The following SPTBN2 variants were observed in gnomAD, a reference collection of about 807,000 sequenced individuals.
The protein encoded by SPTBN2 is spectrin beta, non-erythrocytic 2.
A neutral mutation model predicts 284.2 loss-of-function variants in SPTBN2; 107 were observed. The observed-to-expected ratio is 0.38, with a 90% confidence interval of 0.32 to 0.44. The LOEUF (loss-of-function observed/expected upper bound fraction) is 0.44, where lower values mean the gene tolerates loss of function less well. Among genes scored for constraint, SPTBN2 ranks in the 20% least tolerant of loss-of-function variants. The pLI is 1.00. For missense variants in SPTBN2, 2,569 were observed against 3,287.1 expected (o/e 0.78, Z 5.34); for synonymous variants, 1,289 against 1,354.8 (o/e 0.95, Z 1.07).
rs1336039294 is a variant in SPTBN2, at chr11:66,721,378, G to A, written c.-51C>T. The A allele has an allele frequency of 3.4e-6, 4 of 1,177,394 alleles. No individual in the cohort carries two copies. The highest frequency in any genetic ancestry group is 5.0e-6 in the Non-Finnish European group (4 of 802,540). 72.9% of individuals were successfully genotyped at this position (1,177,394 alleles called of 1,614,324 possible). On this transcript the variant is annotated 5_prime_UTR_variant, in exon 2 of 38. Coordinates refer to ENST00000533211, the MANE Select transcript of SPTBN2 (RefSeq NM_006946.4). Reference sequence around the variant, plus strand: ...TGCTCCGCTCTCCTTGTGGCCAGAGGCTGCGGTTGGCTGCTCAGTGGAAAT... The same window carrying A: ...TGCTCCGCTCTCCTTGTGGCCAGAGACTGCGGTTGGCTGCTCAGTGGAAAT...
At chr11:66,717,992 C>T (rs539284847) in intron 3 of SPTBN2, among the ~76,000 whole-genome samples, 8 of 152,178 alleles carry the variant, frequency 5.3e-5, no homozygotes, top group Admixed American at 2.6e-4. Context: ...TTCAGACACA[C>T]GCTCAGAGGC....
intron 1 of SPTBN2, among the ~76,000 whole-genome samples, chr11:66,735,327 C>T (rs1055411581): frequency 2.7e-5 from 4 of 147,458 alleles, no homozygotes; most frequent in Admixed American, 2.0e-4. Flanking sequence ...AGCAAGACAC[C>T]GTCTCAAAAA....
At position 66,707,637 on chromosome 11, in the gene SPTBN2, C is replaced by T. The variant is rs749704261; in HGVS notation, c.1532G>A (p.Arg511Gln). 15 of 1,609,592 alleles carry T rather than the reference C, an allele frequency of 9.3e-6. No homozygotes were observed. Among genetic ancestry groups the T allele is most frequent in the South Asian group, 2.2e-5 (2 of 91,080 alleles). Residue 511 changes from arginine (R) to glutamine (Q), a missense_variant, in exon 13 of 38, where the codon CGG becomes CAG. Physicochemically the swap from Arg to Gln is conservative, Grantham distance 43. Coordinates refer to ENST00000533211, the MANE Select transcript of SPTBN2 (RefSeq NM_006946.4). The surrounding 1 kb of genome is among the most constrained non-coding windows in gnomAD (Gnocchi z 4.9). ...CATCTGCCGCAAGAAGTCCCAGAGCCGTGCCACGTTGTGCTGCCGAGCGGC... is the reference window on the plus strand; with the variant it reads ...CATCTGCCGCAAGAAGTCCCAGAGCTGTGCCACGTTGTGCTGCCGAGCGGC... Reference protein sequence around the residue: ...RIAARQHNVARLWDFLRQMVA... With the variant: ...RIAARQHNVAQLWDFLRQMVA...
rs1173149083 is a variant in SPTBN2 at position 66,693,808 on chromosome 11, G to T, written c.4557C>A (p.Asp1519Glu). 1 of 1,613,788 alleles carries T rather than the reference G, an allele frequency of 6.2e-7. No individual in the cohort carries two copies. Among genetic ancestry groups the T allele is most frequent in the African/African-American group, 1.3e-5 (1 of 74,944 alleles). The change falls in exon 23 of 38, where the codon GAC (aspartate) becomes GAA (glutamate). Residue 1519 changes from aspartate (D) to glutamate (E), a missense_variant. By Grantham distance (45) the Asp-to-Glu change is conservative. This residue lies in a region of SPTBN2 where 1,130 missense variants were observed against 1,317.3 expected (regional missense o/e 0.86). Transcript: ENST00000533211. This position sits in a 1 kb window ranked among gnomAD's most constrained non-coding sequence, Gnocchi z 5.7. ...TCATGAGAAGCTGGACGCTGGGCAG[G>T]TCCTTGCCATGCTCCATGGAGCTGG... is the stretch of plus-strand genomic sequence containing the variant. The part of the protein sequence containing the change: ...PMASSMEHGK[D>E]LPSVQLLMKK...
In SPTBN2 at chr11:66,691,395, C is replaced by T. The variant is rs752022676; in HGVS notation, c.5454G>A (p.Gln1818=). ...HGARQALARV[Q]HKQQQLPDGT... is the part of the protein sequence containing the mutation. Reference sequence around the variant, plus strand: ...CGTCCGGAAGCTGCTGCTGCTTGTGCTGCACCCGCGCCAGGGCTTGGCGTG... The same window carrying T: ...CGTCCGGAAGCTGCTGCTGCTTGTGTTGCACCCGCGCCAGGGCTTGGCGTG... The change falls in exon 27 of 38, where the codon CAG becomes CAA. Residue 1818 remains glutamine (Q), a synonymous_variant. Coordinates refer to ENST00000533211, the MANE Select transcript of SPTBN2 (RefSeq NM_006946.4). This position sits in a 1 kb window ranked among gnomAD's most constrained non-coding sequence, Gnocchi z 8.0. 4 of 1,607,862 alleles carry T rather than the reference C, an allele frequency of 2.5e-6. No individual in the cohort carries two copies. The highest frequency in any genetic ancestry group is 1.7e-5 in the Admixed American group (1 of 59,792).
In SPTBN2 at chr11:66,710,054, G is replaced by A. The variant is rs1024529037; in HGVS notation, c.1073+528C>T. ...AATCATTTCCACAGCATGTTTGTTT[G>A]TTTTTTGAGACGGAGTCTTGCTCTG... On this transcript the variant is annotated intron_variant, in intron 10 of 37. Transcript: ENST00000533211. The surrounding 1 kb of genome is among the most constrained non-coding windows in gnomAD (Gnocchi z 4.9). Among the ~76,000 whole-genome samples, 1 of 152,134 alleles carries A rather than the reference G, an allele frequency of 6.6e-6. No homozygotes were observed. Among genetic ancestry groups the A allele is most frequent in the Non-Finnish European group, 1.5e-5 (1 of 68,012 alleles).
At chr11:66,722,319 A>G (rs1272983612) in intron 1 of SPTBN2, among the ~76,000 whole-genome samples, 1 of 152,186 alleles carries the variant, frequency 6.6e-6, no homozygotes, top group Admixed American at 6.5e-5. Context: ...TCACGCCTGT[A>G]ATCCCAGCAC....
Position 66,708,438 on chromosome 11 carries a change from C to T in SPTBN2, c.1192-139G>A. On this transcript the variant is annotated intron_variant, in intron 11 of 37. Coordinates refer to ENST00000533211, the MANE Select transcript of SPTBN2 (RefSeq NM_006946.4). The surrounding 1 kb of genome is among the most constrained non-coding windows in gnomAD (Gnocchi z 4.4). The stretch of plus-strand genomic sequence containing the variant: ...TGGGTGAGACGCCTGGGCGTGGAAA[C>T]AGGAAACAGGGCAGCGCTGGGAGTC... The T allele has an allele frequency of 1.1e-6, 1 of 877,292 alleles. No individual in the cohort carries two copies. 54.3% of individuals were successfully genotyped at this position (877,292 alleles called of 1,614,324 possible). A position where few individuals can be genotyped will look rare whatever the true frequency, so the allele number is the denominator to read the frequency against.
Position 66,693,886 on chromosome 11 carries a change from G to A in SPTBN2, c.4504-25C>T. On this transcript the variant is annotated intron_variant, in intron 22 of 37. Coordinates refer to ENST00000533211, the MANE Select transcript of SPTBN2 (RefSeq NM_006946.4). The surrounding 1 kb of genome is among the most constrained non-coding windows in gnomAD (Gnocchi z 5.7). Reference sequence around the variant, plus strand: ...ACTGGAAGAGGAAGAGGGGGTCAGTGGAGGCCCAGAGGGCAAGGCAAGCAG... The same window carrying A: ...ACTGGAAGAGGAAGAGGGGGTCAGTAGAGGCCCAGAGGGCAAGGCAAGCAG... The A allele has an allele frequency of 6.2e-7, 1 of 1,608,936 alleles. No homozygotes were observed. The highest frequency in any genetic ancestry group is 8.5e-7 in the Non-Finnish European group (1 of 1,176,376).
upstream of SPTBN2, among the ~76,000 whole-genome samples, chr11:66,732,545 G>A (rs1486386783): frequency 1.3e-5 from 2 of 151,546 alleles, no homozygotes; most frequent in African/African-American, 4.9e-5. Flanking sequence ...AGCTACTCGG[G>A]AGGCTGAGGC....
At chr11:66,703,782 T>TGTG (rs930205823) in intron 15 of SPTBN2, among the ~76,000 whole-genome samples, 19 of 152,216 alleles carry the variant, frequency 1.2e-4, no homozygotes, top group African/African-American at 4.3e-4. Flanking sequence ...ATAATGGTAT[T>TGTG]GTGGTTCTAT....
intron 1 of SPTBN2, among the ~76,000 whole-genome samples, chr11:66,723,899 G>T (rs112389525): frequency 6.6e-6 from 1 of 152,002 alleles, no homozygotes; most frequent in Non-Finnish European, 1.5e-5. Flanking sequence ...CATTTCTCTC[G>T]GCCTCTCAGA....
intron 1 of SPTBN2, among the ~76,000 whole-genome samples, chr11:66,726,262 C>A (rs1428013542): frequency 6.6e-6 from 1 of 152,190 alleles, no homozygotes; most frequent in Non-Finnish European, 1.5e-5. Context: ...GGAATACTTT[C>A]AGGGTTGAGC....
chr11:66,696,189 GC>G, intron 21 of SPTBN2, 87 bp downstream of exon 21: 1 of 1,537,946 alleles, frequency 6.5e-7, no homozygotes, highest in Non-Finnish European at 8.8e-7. Flanking sequence ...GGTGTTATCT[GC>G]CAGGCCTCAG....
upstream of SPTBN2, among the ~76,000 whole-genome samples, chr11:66,732,385 C>T (rs564070658): frequency 3.3e-5 from 5 of 152,210 alleles, no homozygotes; most frequent in African/African-American, 7.2e-5. Flanking sequence ...CAGTGGCTCA[C>T]GACTTTGTAA....
intron 1 of SPTBN2, chr11:66,728,261 AGCGGCCGGGCGCACGGCGG>A (rs1441404530): frequency 2.8e-5 from 4 of 144,264 alleles, no homozygotes; most frequent in Non-Finnish European, 4.6e-5. Context: ...GGTTGCAGGC[AGCGGCCGGGCGCACGGCGG>A]GCGGCGGGCG....
rs942627645 is a variant in SPTBN2, at chr11:66,694,514, G to A, written c.4279-151C>T. On this transcript the variant is annotated intron_variant, in intron 21 of 37. Coordinates refer to ENST00000533211, the MANE Select transcript of SPTBN2 (RefSeq NM_006946.4). ...CATCCCCTCATGGGCTGGATCAGTGGATCTCGAACTTTATATGCACAAGAA... is the reference window on the plus strand; with the variant it reads ...CATCCCCTCATGGGCTGGATCAGTGAATCTCGAACTTTATATGCACAAGAA... 8.9e-6 allele frequency: 7 copies of A among 789,348 alleles called. No homozygotes were observed. In the African/African-American group the frequency reaches 1.0e-4, roughly 12 times the overall value. The allele number at this position is 789,348 out of a possible 1,614,324, so 48.9% of individuals were successfully genotyped here.
Position 66,700,685 on chromosome 11 carries a change from G to T in SPTBN2, c.3414C>A (p.Pro1138=), listed in dbSNP as rs534223362. 5.6e-6 allele frequency: 9 copies of T among 1,606,284 alleles called. No homozygotes were observed. The East Asian group carries it at 1.3e-4, about 24-fold the overall frequency. ...GEEVTRDQAD[P]QCLFLRQRLE... ...GTCGCTGTCGTAGGAAGAGGCACTG[G>T]GGGTCAGCCTGGTCCCGGGTCACCT... is the stretch of plus-strand genomic sequence containing the variant. Residue 1138 remains proline, a synonymous_variant, in exon 17 of 38, where the codon CCC becomes CCA. Coordinates refer to ENST00000533211, the MANE Select transcript of SPTBN2 (RefSeq NM_006946.4). This position sits in a 1 kb window ranked among gnomAD's most constrained non-coding sequence, Gnocchi z 6.6.
chr11:66,704,448 G>A, intron 15 of SPTBN2, 150 bp downstream of exon 15: 1 of 966,050 alleles, frequency 1.0e-6, no homozygotes, highest in Non-Finnish European at 1.5e-6. Flanking sequence ...TGTGAGTATG[G>A]TTAACATTTT....
Sources: gnomAD v4.1 joint callset for allele counts (sites outside exome capture counted in the v4.1 genomes callset) on GRCh38, gnomAD v4.1.1 for gene constraint, gnomAD v4.1.1 regional missense constraint, Gnocchi (gnomAD v3.1) non-coding constraint, MANE v1.5 for transcripts, NCBI Gene and HGNC (gene_info 2026-07-23, HGNC 2026-07-21) for gene names.